The following GPM6A variants were observed in gnomAD, a reference collection of about 807,000 sequenced individuals.
GPM6A encodes the protein glycoprotein M6A, also known as neuronal membrane glycoprotein M6-a.
In GPM6A, 7 loss-of-function variants were observed where a neutral mutation model predicts 32.1. The ratio of observed to expected loss-of-function variants is 0.22; its 90% CI spans 0.12 to 0.41. The LOEUF (loss-of-function observed/expected upper bound fraction) is 0.41. Among genes scored for constraint, GPM6A ranks in the 10% least tolerant of loss-of-function variants. The pLI is 1.00. For missense variants in GPM6A, 235 were observed against 347.2 expected, an observed-to-expected ratio of 0.68 and a Z score of 2.57; for synonymous variants, 130 against 123.4, an observed-to-expected ratio of 1.05 and a Z score of -0.35.
intron 1 of GPM6A, among the ~76,000 whole-genome samples, chr4:175,796,288 T>C (rs1303920666): frequency 1.3e-5 from 2 of 152,162 alleles, no homozygotes; most frequent in African/African-American, 4.8e-5. Flanking sequence ...AAATGGCTTT[T>C]AGCATGGACA....
chr4:175,757,274 G>T (rs1732564467), intron 1 of GPM6A, among the ~76,000 whole-genome samples: 1 of 151,994 alleles, frequency 6.6e-6, no homozygotes, highest in Admixed American at 6.6e-5. Flanking sequence ...CTGAGAGCCA[G>T]CACCAGCCAT....
chr4:175,670,861 ATTTTTTTT>A lies in GPM6A; in HGVS notation c.387+2811_387+2818del, dbSNP rs33998725. ...CCATTCAGTGATACAATGTTGCTTCATTTTTTTTTTTTTTTTTTTTGAGACAAAGTCTT... is the reference window on the plus strand; with the variant it reads ...CCATTCAGTGATACAATGTTGCTTCATTTTTTTTTTTTGAGACAAAGTCTT... On this transcript the variant is annotated intron_variant, in intron 3 of 6. Coordinates refer to ENST00000393658, the MANE Select transcript of GPM6A (RefSeq NM_201591.3). 1.6e-5 allele frequency among the ~76,000 whole-genome samples: 2 copies of A among 124,174 alleles called. 1 individual carries two copies. Among genetic ancestry groups the A allele is most frequent in the Non-Finnish European group, 3.4e-5 (2 of 58,996 alleles). 81.5% of individuals were successfully genotyped at this position (124,174 alleles called of 152,430 possible). A position where few individuals can be genotyped will look rare whatever the true frequency, so the allele number is the denominator to read the frequency against.
intron 1 of GPM6A, among the ~76,000 whole-genome samples, chr4:175,998,256 C>G (rs143938715): frequency 1.3e-5 from 2 of 151,846 alleles, no homozygotes; most frequent in Non-Finnish European, 2.9e-5. Flanking sequence ...TGGGTTCAAG[C>G]GATTCTCGTG....
At chr4:175,948,211 T>A (rs1428819574) in intron 1 of GPM6A, among the ~76,000 whole-genome samples, 2 of 152,218 alleles carry the variant, frequency 1.3e-5, no homozygotes, top group Non-Finnish European at 2.9e-5. Flanking sequence ...CCCTGAAAGT[T>A]CACATGTTGA....
chr4:175,990,167 T>C (rs986256709), intron 1 of GPM6A, among the ~76,000 whole-genome samples: 1 of 152,240 alleles, frequency 6.6e-6, no homozygotes, highest in South Asian at 2.1e-4. Context: ...CTAGTTTGTA[T>C]TCTAACAAAT....
intron 1 of GPM6A, among the ~76,000 whole-genome samples, chr4:175,836,761 G>A (rs1258371887): frequency 2.0e-5 from 3 of 152,118 alleles, no homozygotes; most frequent in Non-Finnish European, 2.9e-5. Context: ...TGACAATGGG[G>A]TATATTATGT....
intron 1 of GPM6A, among the ~76,000 whole-genome samples, chr4:175,826,290 T>A (rs955763133): frequency 3.3e-5 from 5 of 150,914 alleles, no homozygotes; most frequent in Admixed American, 6.6e-5. Context: ...TCTCTTTCTC[T>A]CTCTCTCTCT....
At chr4:175,960,052 C>A (rs1224172551) in intron 1 of GPM6A, among the ~76,000 whole-genome samples, 1 of 152,186 alleles carries the variant, frequency 6.6e-6, no homozygotes. Flanking sequence ...ACCATGGTTA[C>A]ATCGTCACTA....
Position 175,636,656 on chromosome 4 carries a change from TG to T in GPM6A, c.685-1600del, listed in dbSNP as rs1427328266. ...ACTAAAAGTACAAAACGTAGCTGGG[TG>T]TGGTGCCACGTGCCTGTAATCCCAG... On this transcript the variant is annotated intron_variant, in intron 6 of 6. Transcript: ENST00000393658. Among the ~76,000 whole-genome samples, 9 of 150,730 alleles carry T rather than the reference TG, an allele frequency of 6.0e-5. No individual in the cohort carries two copies. In the South Asian group the frequency reaches 1.5e-3, roughly 24 times the overall value.
At chr4:175,640,618 A>C in intron 5 of GPM6A, 135 bp downstream of exon 5, 1 of 670,450 alleles carries the variant, frequency 1.5e-6, no homozygotes, top group Non-Finnish European at 2.6e-6. Context: ...CTCCTGAATA[A>C]CACTACTTCA....
chr4:175,996,467 T>C (rs56321856), intron 1 of GPM6A, among the ~76,000 whole-genome samples: 9,027 of 152,254 alleles, frequency 0.059, 730 homozygotes, highest in African/African-American at 0.18. Flanking sequence ...GCAAAGGATT[T>C]ATGCTAATTG....
intron 3 of GPM6A, 57 bp downstream of exon 3, chr4:175,673,623 C>T (rs577616070): frequency 1.8e-5 from 22 of 1,255,730 alleles, no homozygotes; most frequent in Non-Finnish European, 2.3e-5. Flanking sequence ...AATGCAAACA[C>T]CTGTGTGCTA....
intron 3 of GPM6A, among the ~76,000 whole-genome samples, chr4:175,657,863 G>A (rs1488258262): frequency 1.3e-5 from 2 of 152,074 alleles, no homozygotes; most frequent in Non-Finnish European, 2.9e-5. Context: ...TAAGGCAGGA[G>A]AACACCAAGT....
At chr4:175,766,155 G>C (rs146185275) in intron 1 of GPM6A, among the ~76,000 whole-genome samples, 6 of 152,092 alleles carry the variant, frequency 3.9e-5, no homozygotes, top group African/African-American at 1.4e-4. Context: ...AATATTCTTC[G>C]TTTAAGTAGA....
chr4:175,887,998 A>G (rs1374185173), intron 1 of GPM6A, among the ~76,000 whole-genome samples: 1 of 151,938 alleles, frequency 6.6e-6, no homozygotes, highest in Non-Finnish European at 1.5e-5. Flanking sequence ...TACTACATAA[A>G]TCTTAATACC....
chr4:175,764,764 T>C (rs1432541276), intron 1 of GPM6A, among the ~76,000 whole-genome samples: 1 of 151,748 alleles, frequency 6.6e-6, no homozygotes, highest in African/African-American at 2.4e-5. Context: ...TGCCCCAGAC[T>C]GAATTATTTT....
intron 1 of GPM6A, among the ~76,000 whole-genome samples, chr4:175,845,216 A>G (rs1456335378): frequency 1.3e-5 from 2 of 152,186 alleles, no homozygotes; most frequent in Non-Finnish European, 2.9e-5. Context: ...TGGTGGATCT[A>G]TGTAAATGAG....
At chr4:175,873,148 G>T (rs757244144) in intron 1 of GPM6A, among the ~76,000 whole-genome samples, 10 of 151,620 alleles carry the variant, frequency 6.6e-5, no homozygotes, top group Non-Finnish European at 1.0e-4. Flanking sequence ...GACAATGTGT[G>T]TTTTTTTCTC....
intron 1 of GPM6A, among the ~76,000 whole-genome samples, chr4:175,921,398 A>C (rs1466723114): frequency 6.6e-6 from 1 of 152,194 alleles, no homozygotes; most frequent in East Asian, 1.9e-4. Context: ...GCACTGAAAA[A>C]GACAGTGGAA....
Sources: allele counts gnomAD v4.1 joint callset (sites outside exome capture counted in the v4.1 genomes callset), GRCh38; gene constraint gnomAD v4.1.1; transcripts MANE v1.5; gene names NCBI Gene and HGNC (gene_info 2026-07-23, HGNC 2026-07-21).